The following BUB1B variants were observed in gnomAD, a reference collection of about 807,000 sequenced individuals.
BUB1B encodes the protein mitotic checkpoint serine/threonine-protein kinase BUB1 beta.
Under a neutral mutation model 137.7 loss-of-function variants are expected in BUB1B, and 86 were observed. The ratio of observed to expected loss-of-function variants is 0.62; its 90% confidence interval spans 0.52 to 0.75. The LOEUF is 0.75. Ranked by LOEUF, BUB1B falls within the 30% of genes least tolerant of loss-of-function variation. BUB1B has a pLI of 0.00. For missense variants in BUB1B, 1,130 were observed against 1,236.9 expected (o/e 0.91, Z 1.30); for synonymous variants, 420 against 417.9 (o/e 1.00, Z -0.06).
Position 40,209,216 on chromosome 15 carries a change from C to T in BUB1B, c.2144-419C>T, listed in dbSNP as rs113653433. Among the ~76,000 whole-genome samples, 1,005 of 152,216 alleles carry T rather than the reference C, an allele frequency of 6.6e-3. 4 individuals carry two copies. Among genetic ancestry groups the T allele is most frequent in the Middle Eastern group, 0.031 (9 of 294 alleles). Reference sequence around the variant, plus strand: ...GGGTGGATCACGAGGGTCAGGAGATCGAGACCATCCTGGCTAACATGGGGA... The same window carrying T: ...GGGTGGATCACGAGGGTCAGGAGATTGAGACCATCCTGGCTAACATGGGGA... On this transcript the variant is annotated intron_variant, in intron 16 of 22. Coordinates refer to ENST00000287598, the MANE Select transcript of BUB1B (RefSeq NM_001211.6).
At chr15:40,188,736 C>A (rs894181716) in intron 8 of BUB1B, among the ~76,000 whole-genome samples, 1 of 151,948 alleles carries the variant, frequency 6.6e-6, no homozygotes, top group East Asian at 1.9e-4. Flanking sequence ...ACGCCCGCCA[C>A]GACGCCCAGC....
At chr15:40,174,009 GGGTTACC>G in intron 4 of BUB1B, 1 of 407,842 alleles carries the variant, frequency 2.5e-6, no homozygotes, top group Admixed American at 3.4e-5. Context: ...GGCAATTTAA[GGGTTACC>G]AAAAAAAAGG....
chr15:40,167,342 CTTTTTTTT>C (rs767161007), intron 2 of BUB1B, among the ~76,000 whole-genome samples: 5 of 77,098 alleles, frequency 6.5e-5, no homozygotes, highest in Admixed American at 2.0e-4. Flanking sequence ...TTCATTTTAG[CTTTTTTTT>C]TTTTTTTTTT....
At position 40,202,635 on chromosome 15, in the gene BUB1B, G is replaced by A. The variant is rs764336262; in HGVS notation, c.1675G>A (p.Ala559Thr). The A allele has an allele frequency of 1.9e-6, 3 of 1,614,102 alleles. No homozygotes were observed. The highest frequency in any genetic ancestry group is 2.2e-5 in the East Asian group (1 of 44,866). The change falls in exon 14 of 23, where the codon GCA becomes ACA. Residue 559 changes from alanine to threonine, a missense_variant. By Grantham distance (58) the Ala-to-Thr change is moderately conservative. Transcript: ENST00000287598. Reference sequence around the variant, plus strand: ...AGTTTTAGCTCAACGAAGACCCCTTGCAGTTCTCAAAACCTCAGAAAGCAT... The same window carrying A: ...AGTTTTAGCTCAACGAAGACCCCTTACAGTTCTCAAAACCTCAGAAAGCAT... Reference protein sequence around the residue: ...PRVLAQRRPLAVLKTSESITS... With the variant: ...PRVLAQRRPLTVLKTSESITS...
At chr15:40,188,268 G>A (rs907928483) in intron 8 of BUB1B, among the ~76,000 whole-genome samples, 3 of 152,020 alleles carry the variant, frequency 2.0e-5, no homozygotes, top group Admixed American at 6.6e-5. Context: ...GGCTGGTCTC[G>A]AACTGACCTC....
Position 40,220,632 on chromosome 15 carries a change from T to C in BUB1B, c.3026T>C (p.Val1009Ala), listed in dbSNP as rs758666856. 6.2e-7 allele frequency: 1 copy of C among 1,614,092 alleles called. No homozygotes were observed. Among genetic ancestry groups the C allele is most frequent in the Non-Finnish European group, 8.5e-7 (1 of 1,180,040 alleles). Residue 1009 changes from valine to alanine, a missense_variant, in exon 23 of 23, where the codon GTG becomes GCG. Physicochemically the swap from Val to Ala is moderately conservative, Grantham distance 64. Transcript: ENST00000287598. ...RILNANDEAT[V>A]SVLGELAAEM... is the part of the protein sequence containing the mutation. ...CTGAATGCCAATGATGAGGCCACAG[T>C]GTCTGTTCTTGGGGAGCTTGCAGCA...
At position 40,201,014 on chromosome 15, in the gene BUB1B, G is replaced by A. The variant is rs774924960; in HGVS notation, c.1567+34G>A. On this transcript the variant is annotated intron_variant, in intron 12 of 22. Transcript: ENST00000287598. The stretch of plus-strand genomic sequence containing the variant: ...TATTTGACAGCCTTGAGAAGAACTT[G>A]CTGATAACAAATGTATTATGTAATA... 7 of 1,589,898 alleles carry A rather than the reference G, an allele frequency of 4.4e-6. No individual in the cohort carries two copies. The South Asian group carries it at 5.5e-5, about 13-fold the overall frequency.
At position 40,185,642 on chromosome 15, in the gene BUB1B, T is replaced by C. The variant is rs548650011; in HGVS notation, c.1058T>C (p.Met353Thr). ...YVEETARQPV[M>T]TPCKIEPSIN... ...GAAGAGACTGCACGACAGCCAGTTA[T>C]GTGAGTGTGGTTTTTGGATATTTTG... is the stretch of plus-strand genomic sequence containing the variant. Residue 353 changes from methionine (M) to threonine (T), a missense_variant and splice_region_variant, in exon 8 of 23, where the codon ATG (methionine) becomes ACG (threonine). By Grantham distance (81) the Met-to-Thr change is moderately conservative. Transcript: ENST00000287598. 9.3e-6 allele frequency: 15 copies of C among 1,612,430 alleles called. No homozygotes were observed. In the South Asian group the frequency reaches 1.1e-4, roughly 12 times the overall value.
At chr15:40,179,924 T>A (rs1423167999) in intron 5 of BUB1B, among the ~76,000 whole-genome samples, 1 of 151,440 alleles carries the variant, frequency 6.6e-6, no homozygotes, top group Non-Finnish European at 1.5e-5. Flanking sequence ...TCTATATGCA[T>A]TGAAAACCCC....
At chr15:40,181,302 G>T (rs979791671) in intron 5 of BUB1B, among the ~76,000 whole-genome samples, 2 of 151,574 alleles carry the variant, frequency 1.3e-5, no homozygotes, top group African/African-American at 4.9e-5. Flanking sequence ...TGTTGGTCAG[G>T]CTGGTCTCCA....
intron 8 of BUB1B, among the ~76,000 whole-genome samples, chr15:40,192,083 T>G (rs771218234): frequency 1.2e-4 from 19 of 152,260 alleles, no homozygotes; most frequent in Non-Finnish European, 2.2e-4. Flanking sequence ...AATTTAATGA[T>G]ATTGACATCT....
intron 4 of BUB1B, among the ~76,000 whole-genome samples, chr15:40,171,430 C>T (rs2037161412): frequency 6.6e-6 from 1 of 152,012 alleles, no homozygotes; most frequent in Non-Finnish European, 1.5e-5. Context: ...ACCTGTAGTC[C>T]CAGCTACTCA....
intron 15 of BUB1B, among the ~76,000 whole-genome samples, chr15:40,207,449 A>T (rs1229352149): frequency 6.6e-6 from 1 of 151,978 alleles, no homozygotes; most frequent in African/African-American, 2.4e-5. Flanking sequence ...CTTTTTTTTG[A>T]AACTTTTTCC....
intron 1 of BUB1B, 132 bp downstream of exon 1, chr15:40,161,387 C>T (rs8182024): frequency 3.7e-6 from 4 of 1,078,080 alleles, no homozygotes; most frequent in East Asian, 3.0e-5. Context: ...AGCCTCCTTC[C>T]TTTTGGAGTA....
chr15:40,197,303 A>T (rs2140898860), intron 9 of BUB1B, among the ~76,000 whole-genome samples: 1 of 152,280 alleles, frequency 6.6e-6, no homozygotes, highest in East Asian at 1.9e-4. Flanking sequence ...TATATTTCTA[A>T]ATTAAAGGAA....
At chr15:40,207,463 C>T (rs889874539) in intron 15 of BUB1B, among the ~76,000 whole-genome samples, 1 of 151,848 alleles carries the variant, frequency 6.6e-6, no homozygotes, top group Non-Finnish European at 1.5e-5. Flanking sequence ...TTTTTCCCTA[C>T]AGGCTTTTAA....
chr15:40,169,945 A>G, intron 2 of BUB1B, 117 bp from the exon 3 acceptor site: 1 of 890,088 alleles, frequency 1.1e-6, no homozygotes, highest in East Asian at 2.5e-5. Context: ...CATAAACTCT[A>G]GTGCAATAAT....
At position 40,208,626 on chromosome 15, in the gene BUB1B, G is replaced by T. The variant is rs370832226; in HGVS notation, c.2010-11G>T. On this transcript the variant is annotated splice_polypyrimidine_tract_variant and intron_variant, in intron 15 of 22. Transcript: ENST00000287598. ...TTCCTATAAGAATTAACTTATTTTT[G>T]ATTCTTTTAGCCCAATTATTGAAGA... 128 of 1,608,114 alleles carry T rather than the reference G, an allele frequency of 8.0e-5. No individual in the cohort carries two copies. Among genetic ancestry groups the T allele is most frequent in the Middle Eastern group, 3.3e-4 (2 of 6,052 alleles).
intron 3 of BUB1B, among the ~76,000 whole-genome samples, 188 bp from the exon 4 acceptor site, chr15:40,170,349 A>G (rs910447433): frequency 6.6e-6 from 1 of 152,188 alleles, no homozygotes; most frequent in South Asian, 2.1e-4. Flanking sequence ...CCCTATCCTC[A>G]GTTTTCCCCA....
Sources: gnomAD v4.1 joint callset for allele counts (sites outside exome capture counted in the v4.1 genomes callset) on GRCh38, gnomAD v4.1.1 for gene constraint, MANE v1.5 for transcripts, NCBI Gene and HGNC (gene_info 2026-07-23, HGNC 2026-07-21) for gene names.